MTUS1: variants seen among roughly 807,000 people sequenced by gnomAD.
The protein encoded by MTUS1 is microtubule associated scaffold protein 1.
In MTUS1, 109 loss-of-function variants were observed where a neutral mutation model predicts 120.8. The observed-to-expected ratio is 0.90, with a 90% confidence interval of 0.77 to 1.06. MTUS1 has a LOEUF of 1.06. Among genes scored for constraint, MTUS1 ranks in the 50% least tolerant of loss-of-function variants. The pLI is 0.00. For synonymous variants in MTUS1, 737 were observed against 550.5 expected, an observed-to-expected ratio of 1.34 and a Z score of -4.74; for missense variants, 2,210 against 1,486.3, an observed-to-expected ratio of 1.49 and a Z score of -8.01.
chr8:17,740,492 G>C (rs1358983099), intron 3 of MTUS1, among the ~76,000 whole-genome samples: 1 of 152,178 alleles, frequency 6.6e-6, no homozygotes, highest in African/African-American at 2.4e-5. Context: ...AATGGCAACA[G>C]GATCACGGGG....
In MTUS1 at chr8:17,738,914, G is replaced by C. The variant is rs560853453; in HGVS notation, c.2287+4690C>G. Among the ~76,000 whole-genome samples, 17 of 152,082 alleles carry C rather than the reference G, an allele frequency of 1.1e-4. No homozygotes were observed. In the East Asian group the frequency reaches 3.3e-3, roughly 29 times the overall value. On this transcript the variant is annotated intron_variant, in intron 3 of 14. Coordinates refer to ENST00000693296, the MANE Select transcript of MTUS1 (RefSeq NM_001363059.2). The stretch of plus-strand genomic sequence containing the variant: ...GGTACTGTGGGAGGCCTAGGTGGGA[G>C]GATCACTTAAGCCCAGGAGTTCAAG...
Position 17,765,678 on chromosome 8 carries a change from CCACACACACACACACACACACA to C in MTUS1, c.-154-9739_-154-9718del, listed in dbSNP as rs60406848. On this transcript the variant is annotated intron_variant, in intron 1 of 14. Transcript: ENST00000693296. ...CTTCACCATCATTAAAATACAGACA[CCACACACACACACACACACACA>C]CACACACACACACACACAAATGCAC... Among the ~76,000 whole-genome samples the C allele has an allele frequency of 8.8e-4, 115 of 130,162 alleles. 3 individuals are homozygous for C. In the South Asian group the frequency reaches 0.03, roughly 34 times the overall value. The allele number at this position is 130,162 out of a possible 152,430, so 85.4% of individuals were successfully genotyped here. A position where few individuals can be genotyped will look rare whatever the true frequency, so the allele number is the denominator to read the frequency against.
chr8:17,749,659 CAA>C (rs768210060), intron 2 of MTUS1, among the ~76,000 whole-genome samples: 2,248 of 76,346 alleles, frequency 0.029, 16 homozygotes, highest in South Asian at 0.1. Context: ...GAATCTGTCT[CAA>C]AAAAAAAAAA....
At chr8:17,665,897 C>T (rs1810795155) in intron 8 of MTUS1, among the ~76,000 whole-genome samples, 1 of 152,092 alleles carries the variant, frequency 6.6e-6, no homozygotes, top group Non-Finnish European at 1.5e-5. Flanking sequence ...GTGTGACTCA[C>T]AGGTGGGAAG....
rs144240758 is a variant in MTUS1, at chr8:17,645,852, C to T, written c.*74G>A. ...TGTGCTGATATACCTCTTGTGCCCA[C>T]GTTCCTCCTTGGGGTCAGTCCTGCA... On this transcript the variant is annotated 3_prime_UTR_variant, in exon 15 of 15. Coordinates refer to ENST00000693296, the MANE Select transcript of MTUS1 (RefSeq NM_001363059.2). 648 of 1,523,384 alleles carry T rather than the reference C, an allele frequency of 4.3e-4. 2 individuals are homozygous for T. The highest frequency in any genetic ancestry group is 5.3e-4 in the Non-Finnish European group (597 of 1,133,204). 94.4% of individuals were successfully genotyped at this position (1,523,384 alleles called of 1,614,324 possible).
chr8:17,682,398 A>G (rs1814735190), intron 7 of MTUS1, among the ~76,000 whole-genome samples: 1 of 151,732 alleles, frequency 6.6e-6, no homozygotes, highest in Non-Finnish European at 1.5e-5. Flanking sequence ...GGTGCCTGTA[A>G]TCCCAGCTAT....
chr8:17,760,108 C>A (rs2131373379), intron 1 of MTUS1, among the ~76,000 whole-genome samples: 2 of 147,926 alleles, frequency 1.4e-5, no homozygotes, highest in Middle Eastern at 3.5e-3. Flanking sequence ...CCCAGCTGCT[C>A]AGAAGGCTAG....
At chr8:17,708,041 G>A (rs776852060) in intron 6 of MTUS1, among the ~76,000 whole-genome samples, 6 of 152,102 alleles carry the variant, frequency 3.9e-5, no homozygotes, top group African/African-American at 1.4e-4. Flanking sequence ...CACAACCTTG[G>A]ATTAGGCAAC....
chr8:17,751,698 A>C (rs2048205608), intron 2 of MTUS1, among the ~76,000 whole-genome samples: 1 of 151,958 alleles, frequency 6.6e-6, no homozygotes, highest in Non-Finnish European at 1.5e-5. Context: ...TCTCTACTAA[A>C]AATACAAAAA....
chr8:17,778,349 T>C (rs1223198665), intron 1 of MTUS1, among the ~76,000 whole-genome samples: 4 of 152,130 alleles, frequency 2.6e-5, no homozygotes, highest in Admixed American at 6.6e-5. Context: ...TTGGTGTTTG[T>C]CTAAGAATGG....
At chr8:17,730,329 A>G (rs117343353) in intron 3 of MTUS1, among the ~76,000 whole-genome samples, 9,261 of 152,164 alleles carry the variant, frequency 0.061, 418 homozygotes, top group Non-Finnish European at 0.094. Context: ...TAAAAATACA[A>G]AAAACATTAT....
chr8:17,698,216 A>G (rs929691567), intron 6 of MTUS1, among the ~76,000 whole-genome samples: 3 of 152,198 alleles, frequency 2.0e-5, no homozygotes, highest in African/African-American at 7.2e-5. Context: ...TCTAAAGACT[A>G]CATTTATTGC....
intron 1 of MTUS1, among the ~76,000 whole-genome samples, chr8:17,760,509 C>T (rs180700467): frequency 3.0e-4 from 46 of 152,112 alleles, no homozygotes; most frequent in African/African-American, 1.1e-3. Flanking sequence ...AAGACAAAGC[C>T]AAGGACAGAA....
intron 6 of MTUS1, among the ~76,000 whole-genome samples, chr8:17,686,432 A>G (rs1290784778): frequency 5.9e-5 from 9 of 152,254 alleles, no homozygotes; most frequent in Non-Finnish European, 2.9e-5. Flanking sequence ...CTTTATAAAC[A>G]AAAATGTTCA....
intron 6 of MTUS1, among the ~76,000 whole-genome samples, chr8:17,712,415 C>T (rs1281570204): frequency 1.3e-5 from 2 of 151,996 alleles, no homozygotes; most frequent in Admixed American, 6.5e-5. Flanking sequence ...ACGCTCAATG[C>T]CACCTCTGCC....
At chr8:17,794,905 T>C (rs548008967) in intron 1 of MTUS1, among the ~76,000 whole-genome samples, 8 of 152,298 alleles carry the variant, frequency 5.3e-5, no homozygotes, top group African/African-American at 1.7e-4. Context: ...CCAAGGGAGC[T>C]ATGTTTTACG....
Position 17,754,986 on chromosome 8 carries a change from C to G in MTUS1, c.822G>C (p.Glu274Asp), listed in dbSNP as rs779382507. ...CACSSGKVTS[E>D]YTDGSQQRLV... ...GTCTTTGTTGTGATCCATCTGTGTA[C>G]TCACTGGTGACCTTTCCTGAAGAAC... Residue 274 changes from glutamate (E) to aspartate (D), a missense_variant, in exon 2 of 15, where the codon GAG (glutamate) becomes GAC (aspartate). Glu to Asp is a conservative substitution (Grantham distance 45, BLOSUM62 2). Transcript: ENST00000693296. 1 of 1,614,158 alleles carries G rather than the reference C, an allele frequency of 6.2e-7. No homozygotes were observed. The highest frequency in any genetic ancestry group is 1.1e-5 in the South Asian group (1 of 91,078).
chr8:17,783,470 T>C (rs1563386728), intron 1 of MTUS1, among the ~76,000 whole-genome samples: 3 of 152,260 alleles, frequency 2.0e-5, no homozygotes, highest in East Asian at 1.9e-4. Context: ...AGAGGGAGCA[T>C]ACCAGGCCTT....
At chr8:17,661,472 C>A (rs943144700) in intron 8 of MTUS1, among the ~76,000 whole-genome samples, 1 of 152,114 alleles carries the variant, frequency 6.6e-6, no homozygotes, top group Non-Finnish European at 1.5e-5. Context: ...AGAAGAGCTT[C>A]GAAGCTGACG....
Sources: allele counts gnomAD v4.1 joint callset (sites outside exome capture counted in the v4.1 genomes callset), GRCh38; gene constraint gnomAD v4.1.1; transcripts MANE v1.5; gene names NCBI Gene and HGNC (gene_info 2026-07-23, HGNC 2026-07-21).